The following ZMAT4 variants were observed in gnomAD, a reference collection of about 807,000 sequenced individuals.
ZMAT4 encodes zinc finger matrin-type 4.
Under a neutral mutation model 28.7 loss-of-function variants are expected in ZMAT4, and 17 were observed. The ratio of observed to expected loss-of-function variants is 0.59; its 90% CI spans 0.41 to 0.89. The LOEUF (loss-of-function observed/expected upper bound fraction) is 0.89. Among genes scored for constraint, ZMAT4 ranks in the 40% least tolerant of loss-of-function variants. The pLI is 0.00. For missense variants in ZMAT4, 240 were observed against 283.8 expected, an observed-to-expected ratio of 0.85 and a Z score of 1.11; for synonymous variants, 117 against 109.2, an observed-to-expected ratio of 1.07 and a Z score of -0.44.
chr8:40,544,872 T>A (rs1803150711), intron 6 of ZMAT4, among the ~76,000 whole-genome samples: 1 of 152,200 alleles, frequency 6.6e-6, no homozygotes, highest in South Asian at 2.1e-4. Flanking sequence ...GGTCCCTGAA[T>A]CCTGGGATCC....
chr8:40,772,112 T>C (rs940234969), intron 2 of ZMAT4, among the ~76,000 whole-genome samples: 1 of 152,214 alleles, frequency 6.6e-6, no homozygotes, highest in African/African-American at 2.4e-5. Flanking sequence ...CCAGGCTCTT[T>C]TTTGCATTAA....
rs138097576 is a variant in ZMAT4, at chr8:40,583,309, T to C, written c.578-2048A>G. The stretch of plus-strand genomic sequence containing the variant: ...ACAGAATTGGGCATGGCCTGTGTTC[T>C]CAGAGCTTGTCAGAAGAAAGGATAT... On this transcript the variant is annotated intron_variant, in intron 5 of 6. Coordinates refer to ENST00000297737, the MANE Select transcript of ZMAT4 (RefSeq NM_024645.3). Among the ~76,000 whole-genome samples the C allele has an allele frequency of 2.0e-3, 312 of 152,308 alleles. 1 individual carries two copies. The highest frequency in any genetic ancestry group is 7.0e-3 in the African/African-American group (291 of 41,574).
At chr8:40,585,596 C>T (rs1328449508) in intron 5 of ZMAT4, among the ~76,000 whole-genome samples, 5 of 152,068 alleles carry the variant, frequency 3.3e-5, no homozygotes, top group Non-Finnish European at 5.9e-5. Context: ...AAAAAAAAAG[C>T]TATTCCATAA....
chr8:40,807,600 C>T (rs1815140971), intron 2 of ZMAT4, among the ~76,000 whole-genome samples: 1 of 152,184 alleles, frequency 6.6e-6, no homozygotes, highest in African/African-American at 2.4e-5. Flanking sequence ...CTATGTACCT[C>T]TCTGCCACAT....
At chr8:40,834,712 T>C (rs1816413745) in intron 1 of ZMAT4, among the ~76,000 whole-genome samples, 3 of 152,306 alleles carry the variant, frequency 2.0e-5, no homozygotes, top group Admixed American at 1.3e-4. Flanking sequence ...TCATGCCAGC[T>C]GGAAGACAAT....
At chr8:40,735,906 CCAGGGCA>C (rs1157048549) in intron 3 of ZMAT4, among the ~76,000 whole-genome samples, 1 of 152,048 alleles carries the variant, frequency 6.6e-6, no homozygotes, top group Non-Finnish European at 1.5e-5. Context: ...GTGACTTGTC[CCAGGGCA>C]CACAGTAAAT....
At chr8:40,746,635 A>G (rs1190897787) in intron 3 of ZMAT4, among the ~76,000 whole-genome samples, 1 of 152,018 alleles carries the variant, frequency 6.6e-6, no homozygotes, top group Non-Finnish European at 1.5e-5. Context: ...GATTACAGGC[A>G]TGAGCCACCA....
chr8:40,825,389 C>T (rs2150612135), intron 2 of ZMAT4, among the ~76,000 whole-genome samples, 186 bp downstream of exon 2: 1 of 152,266 alleles, frequency 6.6e-6, no homozygotes, highest in East Asian at 1.9e-4. Flanking sequence ...AATGACATCC[C>T]CAACCCTCAC....
intron 5 of ZMAT4, among the ~76,000 whole-genome samples, chr8:40,667,740 A>G (rs1013167886): frequency 1.3e-5 from 2 of 152,040 alleles, no homozygotes; most frequent in Non-Finnish European, 2.9e-5. Flanking sequence ...CTACAAGAAC[A>G]AGTTGAATGA....
At chr8:40,838,224 G>A (rs1816569665) in intron 1 of ZMAT4, among the ~76,000 whole-genome samples, 2 of 152,366 alleles carry the variant, frequency 1.3e-5, no homozygotes, top group South Asian at 2.1e-4. Context: ...GTGAGCAGCA[G>A]TTGGCCAGTT....
chr8:40,589,971 C>CCCTCCCTTCCTTCTTT (rs1341460065), intron 5 of ZMAT4, among the ~76,000 whole-genome samples: 1 of 28,798 alleles, frequency 3.5e-5, no homozygotes, highest in Non-Finnish European at 6.2e-5. Context: ...TTCCCTCCCT[C>CCCTCCCTTCCTTCTTT]CCTTCCTTCC....
intron 5 of ZMAT4, among the ~76,000 whole-genome samples, chr8:40,632,078 A>G (rs2599643): frequency 0.58 from 88,044 of 151,980 alleles, 26,262 homozygotes; most frequent in East Asian, 0.69. Context: ...AACTGGTGAA[A>G]CAGAGCCAAA....
chr8:40,541,382 A>C (rs1273721844), intron 6 of ZMAT4, among the ~76,000 whole-genome samples: 1 of 152,116 alleles, frequency 6.6e-6, no homozygotes, highest in South Asian at 2.1e-4. Context: ...GGGGAATGTT[A>C]ATATTTGATT....
At chr8:40,841,781 A>T (rs1490396386) in intron 1 of ZMAT4, among the ~76,000 whole-genome samples, 1 of 152,222 alleles carries the variant, frequency 6.6e-6, no homozygotes, top group African/African-American at 2.4e-5. Flanking sequence ...ATAAAAGTAA[A>T]ATGCACTAGT....
chr8:40,886,973 C>T (rs1447048154), intron 1 of ZMAT4, among the ~76,000 whole-genome samples: 2 of 151,948 alleles, frequency 1.3e-5, no homozygotes, highest in Non-Finnish European at 2.9e-5. Context: ...AGATCGAGAC[C>T]AACCTGGCTA....
intron 1 of ZMAT4, among the ~76,000 whole-genome samples, chr8:40,840,786 G>C (rs2150626218): frequency 6.6e-6 from 1 of 152,264 alleles, no homozygotes; most frequent in African/African-American, 2.4e-5. Flanking sequence ...GCCGAATTCT[G>C]GTTCCCATTC....
rs1563366590 is a variant in ZMAT4 at position 40,612,948 on chromosome 8, G to A, written c.578-31687C>T. ...CTGCCTCAGCCTCCTAAGTAGCTGG[G>A]ATTACAGGTGCCCGCCACCAGGGCC... On this transcript the variant is annotated intron_variant, in intron 5 of 6. Transcript: ENST00000297737. 5.3e-5 allele frequency among the ~76,000 whole-genome samples: 8 copies of A among 151,658 alleles called. No individual in the cohort carries two copies. In the South Asian group the frequency reaches 1.7e-3, roughly 31 times the overall value.
intron 3 of ZMAT4, among the ~76,000 whole-genome samples, chr8:40,738,664 C>T (rs866997404): frequency 3.3e-5 from 5 of 152,048 alleles, no homozygotes; most frequent in South Asian, 2.1e-4. Context: ...AGTCCTTGCG[C>T]GAAGAGAGGT....
At chr8:40,638,288 C>T (rs1395243871) in intron 5 of ZMAT4, among the ~76,000 whole-genome samples, 1 of 152,078 alleles carries the variant, frequency 6.6e-6, no homozygotes, top group Non-Finnish European at 1.5e-5. Flanking sequence ...GATCATTCCA[C>T]AATGGGTGCA....
Sources: gnomAD v4.1 joint callset for allele counts (sites outside exome capture counted in the v4.1 genomes callset) on GRCh38, gnomAD v4.1.1 for gene constraint, MANE v1.5 for transcripts, NCBI Gene and HGNC (gene_info 2026-07-23, HGNC 2026-07-21) for gene names.